Variants in ADAMTS3 observed in about 807,000 individuals in gnomAD.
The protein encoded by ADAMTS3 is ADAM metallopeptidase with thrombospondin type 1 motif 3.
In ADAMTS3, 73 loss-of-function variants were observed where a neutral mutation model predicts 129.0. The ratio of observed to expected loss-of-function variants is 0.57; its 90% confidence interval spans 0.47 to 0.69. ADAMTS3 has a LOEUF of 0.69. Among genes scored for constraint, ADAMTS3 ranks in the 30% least tolerant of loss-of-function variants. The pLI, the probability that ADAMTS3 is intolerant of heterozygous loss-of-function variation, is 0.00. For missense variants in ADAMTS3, 1,457 were observed against 1,514.5 expected, an observed-to-expected ratio of 0.96 and a Z score of 0.63; for synonymous variants, 477 against 510.8, an observed-to-expected ratio of 0.93 and a Z score of 0.89.
rs1722264019 is a variant in ADAMTS3, at chr4:72,414,831, T to C, written c.645A>G (p.Lys215=). ...AVEQAPIDMS[K]DFHYRESDLE... ...GACGCCTACCTCTGTAGTGGAAGTC[T>C]TTGGACATGTCTATGGGAGCCTGTT... The change falls in exon 4 of 22, where the codon AAA becomes AAG. Residue 215 remains lysine, a synonymous_variant. Transcript: ENST00000286657. 1 of 1,496,074 alleles carries C rather than the reference T, an allele frequency of 6.7e-7. No individual in the cohort carries two copies. Among genetic ancestry groups the C allele is most frequent in the East Asian group, 2.6e-5 (1 of 38,872 alleles). The allele number at this position is 1,496,074 out of a possible 1,614,324, so 92.7% of individuals were successfully genotyped here.
chr4:72,525,766 C>A (rs894354597), intron 3 of ADAMTS3, among the ~76,000 whole-genome samples: 5 of 152,142 alleles, frequency 3.3e-5, no homozygotes, highest in Non-Finnish European at 7.4e-5. Flanking sequence ...CCCTCAGAAG[C>A]AAGTGTATTG....
At chr4:72,311,513 T>A (rs760882691) in intron 13 of ADAMTS3, among the ~76,000 whole-genome samples, 39 of 152,270 alleles carry the variant, frequency 2.6e-4, no homozygotes, top group Non-Finnish European at 4.9e-4. Flanking sequence ...ACCAGTTTAG[T>A]TTTCGTAATA....
At chr4:72,358,596 T>C (rs1289891155) in intron 4 of ADAMTS3, among the ~76,000 whole-genome samples, 1 of 152,008 alleles carries the variant, frequency 6.6e-6, no homozygotes, top group Non-Finnish European at 1.5e-5. Context: ...CAATAAACTA[T>C]ATATATTCCT....
chr4:72,340,367 A>G (rs1720105982), intron 4 of ADAMTS3, among the ~76,000 whole-genome samples: 1 of 151,412 alleles, frequency 6.6e-6, no homozygotes, highest in Non-Finnish European at 1.5e-5. Flanking sequence ...ATAAGATAGT[A>G]TATAATATAC....
At chr4:72,331,568 T>C (rs1261227215) in intron 5 of ADAMTS3, among the ~76,000 whole-genome samples, 2 of 152,196 alleles carry the variant, frequency 1.3e-5, no homozygotes, top group Non-Finnish European at 2.9e-5. Flanking sequence ...ATGGCACTTA[T>C]TATTTTCTAA....
chr4:72,422,016 C>T (rs1722459310), intron 3 of ADAMTS3, among the ~76,000 whole-genome samples: 3 of 152,124 alleles, frequency 2.0e-5, no homozygotes, highest in African/African-American at 7.2e-5. Context: ...TCATACATAA[C>T]CTCAATAAAA....
chr4:72,384,288 G>T (rs1721378562), intron 4 of ADAMTS3, among the ~76,000 whole-genome samples: 1 of 152,170 alleles, frequency 6.6e-6, no homozygotes, highest in East Asian at 1.9e-4. Flanking sequence ...TCTGCTAGAA[G>T]ACATATATTT....
chr4:72,368,831 A>G (rs1250281071), intron 4 of ADAMTS3, among the ~76,000 whole-genome samples: 1 of 152,234 alleles, frequency 6.6e-6, no homozygotes, highest in African/African-American at 2.4e-5. Context: ...TGTACTACAT[A>G]TGATATAGAG....
At chr4:72,382,906 A>T (rs1560494740) in intron 4 of ADAMTS3, among the ~76,000 whole-genome samples, 1 of 152,164 alleles carries the variant, frequency 6.6e-6, no homozygotes, top group Non-Finnish European at 1.5e-5. Context: ...AAGGGTTGCA[A>T]AACTACCGGT....
chr4:72,384,742 A>G (rs1321563784), intron 4 of ADAMTS3, among the ~76,000 whole-genome samples: 1 of 152,248 alleles, frequency 6.6e-6, no homozygotes, highest in African/African-American at 2.4e-5. Context: ...TGAACATCAA[A>G]AAGACCAATA....
intron 21 of ADAMTS3, among the ~76,000 whole-genome samples, chr4:72,286,804 A>C (rs1174058505): frequency 6.6e-6 from 1 of 152,100 alleles, no homozygotes; most frequent in Non-Finnish European, 1.5e-5. Flanking sequence ...GAGAGAGTGC[A>C]ACAAACAGAT....
At chr4:72,430,105 T>C (rs1033992689) in intron 3 of ADAMTS3, among the ~76,000 whole-genome samples, 1 of 152,098 alleles carries the variant, frequency 6.6e-6, no homozygotes, top group African/African-American at 2.4e-5. Flanking sequence ...GCAAATTGTA[T>C]TTTCCAAAGA....
chr4:72,316,412 A>T (rs2109803361), intron 10 of ADAMTS3, among the ~76,000 whole-genome samples: 1 of 152,270 alleles, frequency 6.6e-6, no homozygotes, highest in Admixed American at 6.5e-5. Flanking sequence ...AGGGCTGGGC[A>T]CAGTGGCTCA....
At chr4:72,542,529 A>C (rs1274205389) in intron 3 of ADAMTS3, among the ~76,000 whole-genome samples, 3 of 152,348 alleles carry the variant, frequency 2.0e-5, no homozygotes, top group Admixed American at 2.0e-4. Flanking sequence ...TAGTTTAACA[A>C]TAAATTGTGT....
At chr4:72,502,840 G>C (rs1250843444) in intron 3 of ADAMTS3, among the ~76,000 whole-genome samples, 1 of 151,844 alleles carries the variant, frequency 6.6e-6, no homozygotes, top group African/African-American at 2.4e-5. Flanking sequence ...ACCTACATTA[G>C]GTACTCCTCC....
chr4:72,357,604 T>C (rs982205659), intron 4 of ADAMTS3, among the ~76,000 whole-genome samples: 19 of 151,860 alleles, frequency 1.3e-4, no homozygotes, highest in Admixed American at 5.9e-4. Context: ...TATATAAAAA[T>C]ACATATACAT....
intron 10 of ADAMTS3, among the ~76,000 whole-genome samples, chr4:72,316,820 A>T (rs775820048): frequency 6.6e-6 from 1 of 152,160 alleles, no homozygotes. Flanking sequence ...ATACATTCAT[A>T]TAGTTTATGA....
At chr4:72,287,639 A>G (rs1186202538) in intron 21 of ADAMTS3, among the ~76,000 whole-genome samples, 3 of 152,080 alleles carry the variant, frequency 2.0e-5, no homozygotes, top group Non-Finnish European at 4.4e-5. Context: ...GGCCTCGAAA[A>G]AGCATGTGTG....
chr4:72,345,122 T>C (rs1208094384), intron 4 of ADAMTS3, among the ~76,000 whole-genome samples: 1 of 152,162 alleles, frequency 6.6e-6, no homozygotes, highest in Non-Finnish European at 1.5e-5. Context: ...TTCTCTGTAG[T>C]GCATCATTTC....
Sources: gnomAD v4.1 joint callset for allele counts (sites outside exome capture counted in the v4.1 genomes callset) on GRCh38, gnomAD v4.1.1 for gene constraint, MANE v1.5 for transcripts, NCBI Gene and HGNC (gene_info 2026-07-23, HGNC 2026-07-21) for gene names.